GNAS: variants seen among roughly 807,000 people sequenced by gnomAD.
The protein encoded by GNAS is GNAS complex locus.
In GNAS, 8 loss-of-function variants were observed where a neutral mutation model predicts 54.5. The ratio of observed to expected loss-of-function variants is 0.15; its 90% CI spans 0.09 to 0.26. The LOEUF (loss-of-function observed/expected upper bound fraction) is 0.26. Ranked by LOEUF, GNAS falls within the 10% of genes least tolerant of loss-of-function variation. The pLI is 1.00. For missense variants in GNAS, 170 were observed against 529.8 expected, an observed-to-expected ratio of 0.32 and a Z score of 6.67; for synonymous variants, 204 against 191.4, an observed-to-expected ratio of 1.07 and a Z score of -0.54.
At chr20:58,897,119 C>T (rs1407040) in intron 2 of GNAS, among the ~76,000 whole-genome samples, 107,145 of 152,134 alleles carry the variant, frequency 0.7, 38,025 homozygotes, top group African/African-American at 0.78. Context: ...TTGGGATGCA[C>T]AGGGGGCTTC....
intron 1 of GNAS, among the ~76,000 whole-genome samples, chr20:58,852,471 C>T (rs933783866): frequency 6.6e-6 from 1 of 152,236 alleles, no homozygotes; most frequent in South Asian, 2.1e-4. Context: ...GCACCAAAAG[C>T]CTTGCGCTCC....
Position 58,841,599 on chromosome 20 carries a change from A to T in GNAS, c.43+713A>T. ...TCGCGGGACAGAGACCGCCTCAAAG[A>T]GCGTGCGCACCTGCCCGCGCGCGCC... On this transcript the variant is annotated intron_variant, in intron 1 of 12. Transcript: ENST00000306090. The surrounding 1 kb of genome is among the most constrained non-coding windows in gnomAD (Gnocchi z 5.0). 2.9e-6 allele frequency: 3 copies of T among 1,025,538 alleles called. No homozygotes were observed. Among genetic ancestry groups the T allele is most frequent in the Non-Finnish European group, 3.5e-6 (3 of 856,606 alleles). 63.5% of individuals were successfully genotyped at this position (1,025,538 alleles called of 1,614,324 possible).
rs570913871 is a variant in GNAS, at chr20:58,910,567, G to T, written c.1039-116G>T. 2.7e-5 allele frequency: 37 copies of T among 1,349,956 alleles called. No homozygotes were observed. In the South Asian group the frequency reaches 4.3e-4, roughly 16 times the overall value. 83.6% of individuals were successfully genotyped at this position (1,349,956 alleles called of 1,614,324 possible). ...TCTTTGCGCCCCTCTTTTTGCTTTT[G>T]TTTTCATATGACATCAGAGGCTGGC... On this transcript the variant is annotated intron_variant, in intron 12 of 12. Transcript: ENST00000371085. This position sits in a 1 kb window ranked among gnomAD's most constrained non-coding sequence, Gnocchi z 5.8.
chr20:58,841,817 C>A lies in GNAS; in HGVS notation c.43+931C>A. The A allele has an allele frequency of 8.1e-7, 1 of 1,230,830 alleles. No homozygotes were observed. The highest frequency in any genetic ancestry group is 4.2e-5 in the Admixed American group (1 of 23,730). The allele number at this position is 1,230,830 out of a possible 1,614,324, so 76.2% of individuals were successfully genotyped here. A position where few individuals can be genotyped will look rare whatever the true frequency, so the allele number is the denominator to read the frequency against. On this transcript the variant is annotated intron_variant, in intron 1 of 12. Transcript: ENST00000306090. The surrounding 1 kb of genome is among the most constrained non-coding windows in gnomAD (Gnocchi z 5.0). ...AGGCTGCATGCGGCTTAGCAGGAGA[C>A]GTCCTGGGCTGTTTGCGCAGGACCT...
intron 1 of GNAS, among the ~76,000 whole-genome samples, chr20:58,860,515 C>G (rs2086728540): frequency 6.6e-6 from 1 of 152,026 alleles, no homozygotes. Context: ...ATCTCATGAT[C>G]TTATCAAAAT....
At chr20:58,867,932 G>C (rs2087156423) in intron 1 of GNAS, among the ~76,000 whole-genome samples, 2 of 152,172 alleles carry the variant, frequency 1.3e-5, no homozygotes, top group Non-Finnish European at 2.9e-5. Context: ...TCAGGTGCCA[G>C]GGATGAATCC....
chr20:58,865,762 A>G (rs1258056721), intron 1 of GNAS, among the ~76,000 whole-genome samples: 1 of 151,938 alleles, frequency 6.6e-6, no homozygotes, highest in Non-Finnish European at 1.5e-5. Flanking sequence ...ATTTCTAGAA[A>G]TCTCAGAGAA....
upstream of GNAS, among the ~76,000 whole-genome samples, chr20:58,890,236 A>C (rs1387093024): frequency 2.0e-5 from 3 of 151,112 alleles, no homozygotes; most frequent in East Asian, 2.0e-4. Context: ...GCCCAGGAGG[A>C]GGCCCGATGC....
At chr20:58,846,369 T>A (rs762929596) in intron 1 of GNAS, among the ~76,000 whole-genome samples, 4 of 152,168 alleles carry the variant, frequency 2.6e-5, no homozygotes, top group Admixed American at 1.3e-4. Context: ...AAGCCAAATA[T>A]GGCATTGGAG....
At position 58,898,947 on chromosome 20, in the gene GNAS, C is replaced by T. The variant is rs61737691; in HGVS notation, c.219C>T (p.Gly73=). The change falls in exon 3 of 13, where the codon GGC becomes GGT. Residue 73 remains glycine (G), a synonymous_variant. Coordinates refer to ENST00000371085, the MANE Select transcript of GNAS (RefSeq NM_000516.7). ...TTCAATCTCTCTTTAAAAGGGGCGG[C>T]GAAGAGGACCCGCAGGCTGCAAGGA... ...LHVNGFNGEG[G]EEDPQAARSN... is the part of the protein sequence containing the mutation. 4.0e-4 allele frequency: 647 copies of T among 1,613,412 alleles called. 3 individuals carry two copies. The highest frequency in any genetic ancestry group is 7.5e-5 in the Non-Finnish European group (89 of 1,179,562).
chr20:58,877,216 G>A (rs2087883435), intron 1 of GNAS, among the ~76,000 whole-genome samples: 2 of 151,952 alleles, frequency 1.3e-5, no homozygotes, highest in Admixed American at 1.3e-4. Flanking sequence ...TGAAAGAGAT[G>A]TGAGCTGCCA....
At chr20:58,889,091 A>G, upstream of GNAS, 1 of 1,062,846 alleles carries the variant, frequency 9.4e-7, no homozygotes, top group Non-Finnish European at 1.2e-6. Flanking sequence ...CCTTCGGTTT[A>G]TAGGGGCCGC....
intron 6 of GNAS, among the ~76,000 whole-genome samples, chr20:58,907,671 CTTTGTCTGAAAACGCACCA>C (rs2091169789): frequency 6.6e-6 from 1 of 152,096 alleles, no homozygotes; most frequent in Admixed American, 6.5e-5. Context: ...ACTCCTGAAA[CTTTGTCTGAAAACGCACCA>C]TTTGTATAGA....
intron 6 of GNAS, among the ~76,000 whole-genome samples, chr20:58,906,872 G>C (rs1166809408): frequency 6.6e-6 from 1 of 152,208 alleles, no homozygotes; most frequent in Non-Finnish European, 1.5e-5. Flanking sequence ...CTGCAGAAAT[G>C]CACAAAGCAG....
At chr20:58,870,770 G>C (rs1024286488) in intron 1 of GNAS, among the ~76,000 whole-genome samples, 1 of 152,156 alleles carries the variant, frequency 6.6e-6, no homozygotes, top group African/African-American at 2.4e-5. Context: ...CACCCTCTTA[G>C]AACTCTCCCT....
intron 1 of GNAS, among the ~76,000 whole-genome samples, chr20:58,848,400 C>T (rs2086022618): frequency 6.6e-6 from 1 of 152,206 alleles, no homozygotes. Flanking sequence ...CTCCTGACTT[C>T]CTCTTCCTTA....
At chr20:58,900,061 C>A in intron 3 of GNAS, 2 of 595,816 alleles carry the variant, frequency 3.4e-6, no homozygotes, top group East Asian at 3.1e-5. Flanking sequence ...GAATACTATT[C>A]TGTTATCTGA....
At chr20:58,889,352 A>C, upstream of GNAS, 1 of 984,342 alleles carries the variant, frequency 1.0e-6, no homozygotes, top group Non-Finnish European at 1.2e-6. Context: ...CCTCACTCAC[A>C]TGTAAGTCGG....
intron 6 of GNAS, among the ~76,000 whole-genome samples, chr20:58,907,885 T>G (rs2091189948): frequency 2.6e-5 from 4 of 152,238 alleles, no homozygotes; most frequent in Non-Finnish European, 1.5e-5. Context: ...AGCTGTCTAT[T>G]TTTATTTGTT....
Sources: gnomAD v4.1 joint callset for allele counts (sites outside exome capture counted in the v4.1 genomes callset) on GRCh38, gnomAD v4.1.1 for gene constraint, Gnocchi (gnomAD v3.1) non-coding constraint, MANE v1.5 for transcripts, NCBI Gene and HGNC (gene_info 2026-07-23, HGNC 2026-07-21) for gene names.